The following LYPLA1 variants were observed in gnomAD, a reference collection of about 807,000 sequenced individuals.
The protein encoded by LYPLA1 is acyl-protein thioesterase 1.
In LYPLA1, 17 loss-of-function variants were observed where a neutral mutation model predicts 34.0. The observed-to-expected ratio is 0.50, with a 90% CI of 0.34 to 0.75. The LOEUF (loss-of-function observed/expected upper bound fraction) is 0.75, where lower values mean the gene tolerates loss of function less well. Ranked by LOEUF, LYPLA1 falls within the 30% of genes least tolerant of loss-of-function variation. LYPLA1 has a pLI of 0.01. For missense variants in LYPLA1, 203 were observed against 288.8 expected (o/e 0.70, Z 2.15); for synonymous variants, 98 against 100.8 (o/e 0.97, Z 0.17).
intron 2 of LYPLA1, among the ~76,000 whole-genome samples, chr8:54,067,254 G>GTC (rs1364569800): frequency 1.3e-5 from 2 of 152,120 alleles, no homozygotes; most frequent in Non-Finnish European, 2.9e-5. Flanking sequence ...CCAGCACTTT[G>GTC]AGAGGCTGAG....
rs1158937980 is a variant in LYPLA1 at position 54,101,207 on chromosome 8, G to GA, written c.70-269dup. 25 of 604,844 alleles carry GA rather than the reference G, an allele frequency of 4.1e-5. No homozygotes were observed. The East Asian group carries it at 1.1e-3, about 27-fold the overall frequency. The allele number at this position is 604,844 out of a possible 1,614,324, so 37.5% of individuals were successfully genotyped here. A position where few individuals can be genotyped will look rare whatever the true frequency, so the allele number is the denominator to read the frequency against. ...TTGAGTGCAAATGATCACATTCTAA[G>GA]AAAAACAGTTTATCTCTTTCAAGTG... On this transcript the variant is annotated intron_variant, in intron 1 of 8. Transcript: ENST00000316963.
intron 3 of LYPLA1, among the ~76,000 whole-genome samples, chr8:54,064,528 G>GT (rs1398690682): frequency 6.6e-6 from 1 of 152,198 alleles, no homozygotes; most frequent in African/African-American, 2.4e-5. Context: ...AAGACAGACT[G>GT]TATTTCAGGA....
intron 2 of LYPLA1, among the ~76,000 whole-genome samples, chr8:54,095,193 C>T (rs1020231508): frequency 1.3e-5 from 2 of 152,096 alleles, no homozygotes; most frequent in South Asian, 2.1e-4. Flanking sequence ...GACGAGGTTT[C>T]GTCATGTTGG....
downstream of LYPLA1, among the ~76,000 whole-genome samples, chr8:54,043,495 T>TG (rs1164840166): frequency 6.6e-6 from 1 of 151,642 alleles, no homozygotes; most frequent in Non-Finnish European, 1.5e-5. Flanking sequence ...AGGCTGGTCT[T>TG]GAACTCCTGA....
chr8:54,097,653 C>T (rs763395973), intron 2 of LYPLA1, among the ~76,000 whole-genome samples: 2 of 152,124 alleles, frequency 1.3e-5, no homozygotes, highest in Non-Finnish European at 2.9e-5. Flanking sequence ...TTTCAGCTGC[C>T]CACAGTCAAC....
Position 54,046,771 on chromosome 8 carries a change from C to T in LYPLA1, c.*1294G>A, listed in dbSNP as rs1166454356. On this transcript the variant is annotated 3_prime_UTR_variant, in exon 9 of 9. Transcript: ENST00000316963. The stretch of plus-strand genomic sequence containing the variant: ...TACATATTAATCTGTATGGTAACTA[C>T]ACTTTATGGTATAGGGTTCTGACTA... 1 of 152,140 alleles carries T rather than the reference C, an allele frequency of 6.6e-6. No homozygotes were observed. Among genetic ancestry groups the T allele is most frequent in the African/African-American group, 2.4e-5 (1 of 41,442 alleles). 9.4% of individuals were successfully genotyped at this position (152,140 alleles called of 1,614,324 possible).
intron 8 of LYPLA1, among the ~76,000 whole-genome samples, chr8:54,049,767 G>C (rs4506187): frequency 0.37 from 56,486 of 151,818 alleles, 14,994 homozygotes; most frequent in East Asian, 0.74. Flanking sequence ...TCTTCTTCCT[G>C]TTTACCAAAA....
At position 54,055,110 on chromosome 8, in the gene LYPLA1, C is replaced by T. The variant is rs1165991056; in HGVS notation, c.310G>A (p.Val104Met). 1.9e-6 allele frequency: 3 copies of T among 1,609,382 alleles called. No individual in the cohort carries two copies. Among genetic ancestry groups the T allele is most frequent in the South Asian group, 1.1e-5 (1 of 90,872 alleles). ...ENIKALIDQE[V>M]KNGIPSNRII... ...CTGTTAGAAGGAATGCCATTCTTCA[C>T]TTCTTGATCAATCAAAGCTTTTACT... Residue 104 changes from valine (V) to methionine (M), a missense_variant, in exon 6 of 9, where the codon GTG (valine) becomes ATG (methionine). Val to Met is a conservative substitution (Grantham distance 21, BLOSUM62 1). Transcript: ENST00000316963.
intron 2 of LYPLA1, 37 bp downstream of exon 2, chr8:54,100,871 T>G (rs1810080571): frequency 6.4e-7 from 1 of 1,568,120 alleles, no homozygotes. Context: ...CATGACCCAG[T>G]TTCATTACTG....
At chr8:54,051,869 AAGAC>A (rs1171019101) in intron 7 of LYPLA1, among the ~76,000 whole-genome samples, 1 of 137,792 alleles carries the variant, frequency 7.3e-6, no homozygotes, top group African/African-American at 2.7e-5. Context: ...TTTTCCCCCA[AAGAC>A]AGAGTCTTGC....
intron 2 of LYPLA1, among the ~76,000 whole-genome samples, chr8:54,072,649 T>C (rs764426176): frequency 1.1e-4 from 17 of 151,978 alleles, no homozygotes; most frequent in Non-Finnish European, 2.2e-4. Flanking sequence ...AACAACCCCA[T>C]TGAAAAGTAG....
chr8:54,084,069 C>T (rs1808503021), intron 2 of LYPLA1, among the ~76,000 whole-genome samples: 1 of 147,750 alleles, frequency 6.8e-6, no homozygotes, highest in Admixed American at 6.8e-5. Context: ...ACCTCGGAAG[C>T]AGAGGTTGCA....
intron 1 of LYPLA1, among the ~76,000 whole-genome samples, chr8:54,101,145 T>TGGG (rs35405582): frequency 6.7e-4 from 90 of 134,638 alleles, no homozygotes; most frequent in African/African-American, 2.3e-3. Context: ...AGATAATGAA[T>TGGG]GGGGGGGGGG....
chr8:54,057,388 T>A (rs900159465), intron 5 of LYPLA1, among the ~76,000 whole-genome samples: 6 of 152,120 alleles, frequency 3.9e-5, no homozygotes, highest in Admixed American at 3.9e-4. Context: ...CTGTTCCCAA[T>A]AGCCAAGATT....
rs572020261 is a variant in LYPLA1, at chr8:54,049,559, C to G, written c.640-1441G>C. Among the ~76,000 whole-genome samples the G allele has an allele frequency of 2.7e-4, 41 of 152,278 alleles. No individual in the cohort carries two copies. The South Asian group carries it at 8.3e-3, about 31-fold the overall frequency. ...AACCACAGGTGCCCGCCACCTCACC[C>G]GGCCTGTCCTCTTCTATCTTGATTG... On this transcript the variant is annotated intron_variant, in intron 8 of 8. Transcript: ENST00000316963.
chr8:54,065,918 C>A (rs1807028798), intron 2 of LYPLA1, 105 bp from the exon 3 acceptor site: 4 of 758,416 alleles, frequency 5.3e-6, no homozygotes, highest in South Asian at 1.6e-5. Flanking sequence ...AATGTTAAAT[C>A]CTAAAAATAT....
rs1422186767 is a variant in LYPLA1 at position 54,077,203 on chromosome 8, GA to G, written c.102-11391del. 2.6e-5 allele frequency among the ~76,000 whole-genome samples: 4 copies of G among 151,804 alleles called. No individual in the cohort carries two copies. The Admixed American group carries it at 2.6e-4, about 10-fold the overall frequency. ...CATGTACTTTGCAGCAACATGGATG[GA>G]ACTGGAGGCCATTATCCTAAGCAAA... On this transcript the variant is annotated intron_variant, in intron 2 of 8. Coordinates refer to ENST00000316963, the MANE Select transcript of LYPLA1 (RefSeq NM_006330.4).
intron 5 of LYPLA1, among the ~76,000 whole-genome samples, chr8:54,058,309 G>A (rs1361285299): frequency 6.6e-6 from 1 of 152,180 alleles, no homozygotes; most frequent in South Asian, 2.1e-4. Flanking sequence ...TTGGAAGGCT[G>A]AGGCCAGCAG....
intron 2 of LYPLA1, among the ~76,000 whole-genome samples, chr8:54,083,931 A>G (rs1464182333): frequency 6.6e-6 from 1 of 151,530 alleles, no homozygotes; most frequent in Non-Finnish European, 1.5e-5. Flanking sequence ...TGAGGTCAGG[A>G]GTTCAAGACT....
Sources: gnomAD v4.1 joint callset for allele counts (sites outside exome capture counted in the v4.1 genomes callset) on GRCh38, gnomAD v4.1.1 for gene constraint, MANE v1.5 for transcripts, NCBI Gene and HGNC (gene_info 2026-07-23, HGNC 2026-07-21) for gene names.